Variants in TACC2 observed in about 807,000 individuals in gnomAD.
The protein encoded by TACC2 is transforming acidic coiled-coil containing protein 2.
Under a neutral mutation model 227.3 loss-of-function variants are expected in TACC2, and 137 were observed. The ratio of observed to expected loss-of-function variants is 0.60; its 90% CI spans 0.52 to 0.69. TACC2 has a LOEUF of 0.69. TACC2 is among the 30% of genes least tolerant of loss of function. TACC2 has a pLI of 0.00. For missense variants in TACC2, 3,470 were observed against 3,694.4 expected (o/e 0.94, Z 1.57); for synonymous variants, 1,523 against 1,487.5 (o/e 1.02, Z -0.55).
rs543512199 is a variant in TACC2, at chr10:122,142,830, G to A, written c.5700-742G>A. Among the ~76,000 whole-genome samples the A allele has an allele frequency of 9.9e-4, 151 of 152,342 alleles. 2 individuals carry two copies. Among genetic ancestry groups the A allele is most frequent in the African/African-American group, 3.5e-3 (146 of 41,566 alleles). On this transcript the variant is annotated intron_variant, in intron 6 of 22. Transcript: ENST00000369005. Reference sequence around the variant, plus strand: ...CTGGGAGGGTACCACCCTGAAAGCTGTTCCCAGGCTTTAGTCTGTGGAGGC... The same window carrying A: ...CTGGGAGGGTACCACCCTGAAAGCTATTCCCAGGCTTTAGTCTGTGGAGGC...
rs546194097 is a variant in TACC2, at chr10:122,140,160, AG to A, written c.5700-3409del. ...GAGGACCTTAGCAAGGTGCTAACTC[AG>A]GGACAGCAAACTCTTCAGATCCATC... On this transcript the variant is annotated intron_variant, in intron 6 of 22. Coordinates refer to ENST00000369005, the MANE Select transcript of TACC2 (RefSeq NM_206862.4). Among the ~76,000 whole-genome samples, 29 of 152,324 alleles carry A rather than the reference AG, an allele frequency of 1.9e-4. 1 individual carries two copies. The South Asian group carries it at 5.8e-3, about 30-fold the overall frequency.
At chr10:122,053,388 T>C (rs988907749) in intron 3 of TACC2, among the ~76,000 whole-genome samples, 1 of 151,236 alleles carries the variant, frequency 6.6e-6, no homozygotes, top group Non-Finnish European at 1.5e-5. Context: ...CCCCCCCAGG[T>C]CCCTCCCGCA....
At chr10:122,052,698 A>AAC (rs60873660) in intron 3 of TACC2, 2 of 148,316 alleles carry the variant, frequency 1.3e-5, no homozygotes, top group East Asian at 2.0e-4. Context: ...AAAAAAAAAA[A>AAC]CAAACAGGTG....
At chr10:122,178,993 T>C (rs2093859470) in intron 7 of TACC2, among the ~76,000 whole-genome samples, 1 of 152,212 alleles carries the variant, frequency 6.6e-6, no homozygotes, top group Non-Finnish European at 1.5e-5. Flanking sequence ...AATGGAAAAC[T>C]TGGAGCCTTT....
chr10:122,238,108 G>C, intron 18 of TACC2, 71 bp downstream of exon 18: 1 of 1,246,732 alleles, frequency 8.0e-7, no homozygotes, highest in Non-Finnish European at 1.2e-6. Context: ...GACCGGAGCT[G>C]GTGTGGTCCA....
chr10:122,129,211 C>T (rs1374884423), intron 5 of TACC2, among the ~76,000 whole-genome samples: 12 of 151,874 alleles, frequency 7.9e-5, no homozygotes, highest in Non-Finnish European at 4.4e-5. Flanking sequence ...TGCCCACTAC[C>T]ACACCTGGCT....
At chr10:122,073,718 C>A (rs1282266413) in intron 3 of TACC2, among the ~76,000 whole-genome samples, 2 of 152,134 alleles carry the variant, frequency 1.3e-5, no homozygotes, top group East Asian at 3.9e-4. Flanking sequence ...GGTAGAAAAG[C>A]TTGTTTAACC....
At chr10:122,030,586 C>T (rs1334470431) in intron 2 of TACC2, among the ~76,000 whole-genome samples, 1 of 152,116 alleles carries the variant, frequency 6.6e-6, no homozygotes, top group Non-Finnish European at 1.5e-5. Flanking sequence ...CTCCTACCAG[C>T]TCCTGACTCC....
chr10:122,035,213 C>T (rs577420751), intron 2 of TACC2, among the ~76,000 whole-genome samples: 37 of 152,310 alleles, frequency 2.4e-4, no homozygotes, highest in African/African-American at 8.4e-4. Context: ...CAAGCTCCCA[C>T]GTCGTGATGT....
rs2095590746 is a variant in TACC2 at position 122,224,760 on chromosome 10, T to C, written c.7581T>C (p.Tyr2527=). 3 of 1,613,960 alleles carry C rather than the reference T, an allele frequency of 1.9e-6. No individual in the cohort carries two copies. The highest frequency in any genetic ancestry group is 2.2e-5 in the East Asian group (1 of 44,884). ...LDYRNSYEIE[Y]MEKIGSSLPQ... is the part of the protein sequence containing the mutation. ...ACAGAAACTCCTATGAAATTGAATA[T>C]ATGGAGAAAATTGGCTCCTCCTTAC... The change falls in exon 12 of 23, where the codon TAT becomes TAC. Residue 2527 remains tyrosine (Y), a synonymous_variant. Transcript: ENST00000369005.
intron 3 of TACC2, among the ~76,000 whole-genome samples, chr10:122,059,931 G>A (rs990392703): frequency 6.7e-6 from 1 of 148,194 alleles, no homozygotes; most frequent in Admixed American, 6.9e-5. Flanking sequence ...ACTCAGGGTG[G>A]GGCCTAGTGA....
intron 7 of TACC2, among the ~76,000 whole-genome samples, chr10:122,146,050 C>A (rs2091331181): frequency 6.6e-6 from 1 of 152,202 alleles, no homozygotes; most frequent in East Asian, 1.9e-4. Context: ...GCATCCAGTG[C>A]TGGCAGATAG....
Position 122,036,858 on chromosome 10 carries a change from A to G in TACC2, c.34-13580A>G, listed in dbSNP as rs150625389. 2.9e-3 allele frequency among the ~76,000 whole-genome samples: 443 copies of G among 152,302 alleles called. 2 individuals are homozygous for G. Among genetic ancestry groups the G allele is most frequent in the African/African-American group, 0.01 (416 of 41,556 alleles). Reference sequence around the variant, plus strand: ...TGTTTAAGTTTTTGAGGAACCACTAAACTTTTCCACAGCAGCTGCACCATT... The same window carrying G: ...TGTTTAAGTTTTTGAGGAACCACTAGACTTTTCCACAGCAGCTGCACCATT... On this transcript the variant is annotated intron_variant, in intron 2 of 22. Transcript: ENST00000369005.
At chr10:122,103,252 G>A (rs1404429337) in intron 5 of TACC2, among the ~76,000 whole-genome samples, 1 of 152,114 alleles carries the variant, frequency 6.6e-6, no homozygotes, top group East Asian at 1.9e-4. Flanking sequence ...GTTTAGCTGT[G>A]GTCACTGTAG....
chr10:122,227,521 C>G (rs1177970110), intron 13 of TACC2, among the ~76,000 whole-genome samples: 2 of 152,198 alleles, frequency 1.3e-5, no homozygotes, highest in African/African-American at 4.8e-5. Flanking sequence ...GGTCCATTGT[C>G]TCCATCTTAT....
intron 22 of TACC2, among the ~76,000 whole-genome samples, chr10:122,252,916 G>A (rs1256554128): frequency 6.6e-6 from 1 of 152,182 alleles, no homozygotes; most frequent in Admixed American, 6.5e-5. Flanking sequence ...CCAGGAGGTG[G>A]GCCAGGGTTC....
At chr10:122,075,878 C>T (rs565291835) in intron 3 of TACC2, among the ~76,000 whole-genome samples, 23 of 152,308 alleles carry the variant, frequency 1.5e-4, no homozygotes, top group African/African-American at 5.3e-4. Context: ...CAGCTCATGG[C>T]AGCCTCCGCC....
In TACC2 at chr10:122,050,601, A is replaced by G. The variant is rs1006197747; in HGVS notation, c.146+51A>G. ...ATGCAGCCCAAGGACTGCCCCGCTC[A>G]TTGCCTGCTCCAGCATTAGCTTTGC... On this transcript the variant is annotated intron_variant, in intron 3 of 22. Coordinates refer to ENST00000369005, the MANE Select transcript of TACC2 (RefSeq NM_206862.4). The surrounding 1 kb of genome is among the most constrained non-coding windows in gnomAD (Gnocchi z 4.6). 36 of 1,411,052 alleles carry G rather than the reference A, an allele frequency of 2.6e-5. No individual in the cohort carries two copies. The highest frequency in any genetic ancestry group is 3.6e-5 in the Non-Finnish European group (36 of 1,002,938). The allele number at this position is 1,411,052 out of a possible 1,614,324, so 87.4% of individuals were successfully genotyped here.
intron 6 of TACC2, among the ~76,000 whole-genome samples, chr10:122,134,667 G>C (rs1283414646): frequency 6.6e-6 from 1 of 152,168 alleles, no homozygotes; most frequent in African/African-American, 2.4e-5. Flanking sequence ...CACCGTTTTA[G>C]GAAGACCCAG....
Sources: allele counts gnomAD v4.1 joint callset (sites outside exome capture counted in the v4.1 genomes callset), GRCh38; gene constraint gnomAD v4.1.1; non-coding constraint Gnocchi (gnomAD v3.1); transcripts MANE v1.5; gene names NCBI Gene and HGNC (gene_info 2026-07-23, HGNC 2026-07-21).